TMEM50B: variants seen among roughly 807,000 people sequenced by gnomAD.
TMEM50B encodes transmembrane protein 50B.
In TMEM50B, 14 loss-of-function variants were observed where a neutral mutation model predicts 23.4. The ratio of observed to expected loss-of-function variants is 0.60; its 90% confidence interval spans 0.39 to 0.93. The LOEUF (loss-of-function observed/expected upper bound fraction) is 0.93. TMEM50B is among the 40% of genes least tolerant of loss of function. The pLI is 0.00. For synonymous variants in TMEM50B, 64 were observed against 62.3 expected (o/e 1.03, Z -0.13); for missense variants, 159 against 193.0 (o/e 0.82, Z 1.04).
chr21:33,476,636 CTG>C (rs1446772396), intron 1 of TMEM50B, among the ~76,000 whole-genome samples: 1 of 151,484 alleles, frequency 6.6e-6, no homozygotes, highest in East Asian at 1.9e-4. Flanking sequence ...TGGAGGGTGC[CTG>C]TAGTCCCAGC....
At chr21:33,463,078 G>A (rs1003033546) in intron 4 of TMEM50B, among the ~76,000 whole-genome samples, 8 of 152,128 alleles carry the variant, frequency 5.3e-5, no homozygotes, top group African/African-American at 1.4e-4. Context: ...CATCACCTGA[G>A]GTCAGGAGTT....
chr21:33,478,291 ACT>A lies in TMEM50B; in HGVS notation c.-42+1545_-42+1546del, dbSNP rs1189699593. 1.2e-4 allele frequency among the ~76,000 whole-genome samples: 18 copies of A among 151,240 alleles called. 1 individual carries two copies. Among genetic ancestry groups the A allele is most frequent in the Non-Finnish European group, 1.5e-5 (1 of 67,854 alleles). The stretch of plus-strand genomic sequence containing the variant: ...AGACCAGCCTGGCCAACATGGTGAA[ACT>A]CTCTCTCTACTAAGAATATAAAAAT... On this transcript the variant is annotated intron_variant, in intron 1 of 6. Transcript: ENST00000542230.
downstream of TMEM50B, among the ~76,000 whole-genome samples, chr21:33,448,137 G>A (rs914150734): frequency 2.6e-5 from 4 of 151,898 alleles, no homozygotes; most frequent in Non-Finnish European, 4.4e-5. Context: ...GGGATTACAG[G>A]GGTGCACCAC....
At chr21:33,470,198 G>A (rs561884820) in intron 1 of TMEM50B, among the ~76,000 whole-genome samples, 2 of 151,998 alleles carry the variant, frequency 1.3e-5, no homozygotes, top group African/African-American at 4.8e-5. Flanking sequence ...AGCCAGATGC[G>A]TGGTGGCTCA....
At chr21:33,467,778 G>C (rs1289198773) in intron 2 of TMEM50B, among the ~76,000 whole-genome samples, 1 of 152,182 alleles carries the variant, frequency 6.6e-6, no homozygotes, top group South Asian at 2.1e-4. Context: ...ATTATCGTTA[G>C]TTCTTGCTCT....
intron 8 of TMEM50B, among the ~76,000 whole-genome samples, chr21:33,434,083 G>GAAAGA (rs772610471): frequency 2.9e-4 from 44 of 152,176 alleles, no homozygotes; most frequent in Non-Finnish European, 4.9e-4. Flanking sequence ...AAGGACTTGA[G>GAAAGA]AAAGAACAGT....
chr21:33,461,718 T>C (rs976074959), intron 4 of TMEM50B, among the ~76,000 whole-genome samples: 11 of 151,996 alleles, frequency 7.2e-5, no homozygotes, highest in Admixed American at 2.0e-4. Context: ...GGCAAGAGAA[T>C]TGCTTGAACC....
At chr21:33,471,851 T>A (rs1385170115) in intron 1 of TMEM50B, among the ~76,000 whole-genome samples, 1 of 151,184 alleles carries the variant, frequency 6.6e-6, no homozygotes, top group Non-Finnish European at 1.5e-5. Flanking sequence ...CTGACTAACA[T>A]GGTGAAACCC....
rs1430714272 is a variant in TMEM50B, at chr21:33,450,076, A to G, written c.*742T>C. Reference sequence around the variant, plus strand: ...AGAACAAATATTTTTTCTTTACCAAAAAAACCTCATTTTTAGGCCAAAATA... The same window carrying G: ...AGAACAAATATTTTTTCTTTACCAAGAAAACCTCATTTTTAGGCCAAAATA... On this transcript the variant is annotated 3_prime_UTR_variant, in exon 7 of 7. Transcript: ENST00000542230. 4 of 152,226 alleles carry G rather than the reference A, an allele frequency of 2.6e-5. No individual in the cohort carries two copies. Among genetic ancestry groups the G allele is most frequent in the African/African-American group, 2.4e-5 (1 of 41,460 alleles). The allele number at this position is 152,226 out of a possible 1,614,324, so 9.4% of individuals were successfully genotyped here.
chr21:33,445,238 T>C (rs1479356767), downstream of TMEM50B, among the ~76,000 whole-genome samples: 1 of 152,202 alleles, frequency 6.6e-6, no homozygotes, highest in Non-Finnish European at 1.5e-5. Context: ...TACACTGGCA[T>C]AATCCATGAG....
At chr21:33,459,361 CATG>C (rs1321388076) in intron 5 of TMEM50B, among the ~76,000 whole-genome samples, 1 of 152,062 alleles carries the variant, frequency 6.6e-6, no homozygotes, top group Non-Finnish European at 1.5e-5. Context: ...CCCCTGTACC[CATG>C]ACTTAAAAAT....
At chr21:33,476,320 T>C (rs1378915634) in intron 1 of TMEM50B, among the ~76,000 whole-genome samples, 2 of 151,950 alleles carry the variant, frequency 1.3e-5, no homozygotes, top group Non-Finnish European at 2.9e-5. Flanking sequence ...GAGATGGAGG[T>C]TGCAGTGAGC....
chr21:33,474,191 G>A (rs1286313887), intron 1 of TMEM50B, among the ~76,000 whole-genome samples: 1 of 151,228 alleles, frequency 6.6e-6, no homozygotes, highest in African/African-American at 2.4e-5. Context: ...TGGGGGGCAG[G>A]GGAGGGGGTT....
chr21:33,436,904 CTG>C, intron 8 of TMEM50B: 1 of 1,613,980 alleles, frequency 6.2e-7, no homozygotes, highest in Non-Finnish European at 8.5e-7. Context: ...GTCTGGGACT[CTG>C]TGTCCATTAT....
chr21:33,439,528 C>T (rs6517172), intron 7 of TMEM50B, among the ~76,000 whole-genome samples: 88,203 of 151,310 alleles, frequency 0.58, 27,676 homozygotes, highest in East Asian at 0.83. Flanking sequence ...TACAGATGTG[C>T]GCCACCACAC....
intron 6 of TMEM50B, 67 bp from the exon 7 acceptor site, chr21:33,450,930 C>T: frequency 7.3e-7 from 1 of 1,366,312 alleles, no homozygotes; most frequent in Non-Finnish European, 1.0e-6. Flanking sequence ...AATTCATTTT[C>T]TCAATATGCT....
chr21:33,464,800 G>T (rs1485409985), intron 4 of TMEM50B, among the ~76,000 whole-genome samples: 1 of 44,022 alleles, frequency 2.3e-5, no homozygotes, highest in Non-Finnish European at 4.0e-5. Flanking sequence ...GCTAAACTCC[G>T]TCTCAAAAAA....
intron 8 of TMEM50B, chr21:33,437,041 C>G: frequency 6.8e-7 from 1 of 1,479,522 alleles, no homozygotes; most frequent in Admixed American, 1.7e-5. Context: ...TCTGGACTTT[C>G]CAGAGACCAG....
At chr21:33,447,505 A>T (rs2123407388), downstream of TMEM50B, among the ~76,000 whole-genome samples, 1 of 152,024 alleles carries the variant, frequency 6.6e-6, no homozygotes, top group East Asian at 1.9e-4. Context: ...GTGACTGAAA[A>T]CCCTTCCACT....
Sources: allele counts gnomAD v4.1 joint callset (sites outside exome capture counted in the v4.1 genomes callset), GRCh38; gene constraint gnomAD v4.1.1; transcripts MANE v1.5; gene names NCBI Gene and HGNC (gene_info 2026-07-23, HGNC 2026-07-21).